Variants in PDE7B observed in about 807,000 individuals in gnomAD.
The protein encoded by PDE7B is 3',5'-cyclic-AMP phosphodiesterase 7B.
A neutral mutation model predicts 56.2 loss-of-function variants in PDE7B; 29 were observed. That is an observed-to-expected ratio of 0.52 (90% CI 0.38 to 0.70). The LOEUF is 0.70. Ranked by LOEUF, PDE7B falls within the 30% of genes least tolerant of loss-of-function variation. PDE7B has a pLI of 0.00. For missense variants in PDE7B, 490 were observed against 565.0 expected, an observed-to-expected ratio of 0.87 and a Z score of 1.35; for synonymous variants, 197 against 196.9, an observed-to-expected ratio of 1.00 and a Z score of 0.00.
chr6:136,052,360 G>A (rs957999856), intron 2 of PDE7B, among the ~76,000 whole-genome samples: 2 of 152,226 alleles, frequency 1.3e-5, no homozygotes, highest in African/African-American at 4.8e-5. Context: ...CTTCGGGTAT[G>A]TGGAGCAGTT....
chr6:135,869,305 C>T (rs1316290901), intron 1 of PDE7B, among the ~76,000 whole-genome samples: 3 of 152,066 alleles, frequency 2.0e-5, no homozygotes, highest in East Asian at 1.9e-4. Context: ...TATACTATTA[C>T]TGCATAGTAT....
intron 2 of PDE7B, among the ~76,000 whole-genome samples, chr6:135,981,382 T>C (rs1202999419): frequency 6.6e-6 from 1 of 151,532 alleles, no homozygotes; most frequent in Admixed American, 6.6e-5. Flanking sequence ...CATGTACACA[T>C]ATGTAACTAA....
intron 2 of PDE7B, among the ~76,000 whole-genome samples, chr6:135,995,330 T>A (rs1775545870): frequency 6.6e-6 from 1 of 152,152 alleles, no homozygotes; most frequent in Non-Finnish European, 1.5e-5. Context: ...TGTGTATCAA[T>A]AGAAATGTGT....
intron 12 of PDE7B, among the ~76,000 whole-genome samples, chr6:136,189,707 T>A (rs1485545467): frequency 1.3e-5 from 2 of 151,686 alleles, no homozygotes; most frequent in Non-Finnish European, 2.9e-5. Context: ...TCCTCCCTAC[T>A]CCCCCTTCCT....
intron 3 of PDE7B, among the ~76,000 whole-genome samples, chr6:136,116,310 A>C (rs1223016645): frequency 6.6e-6 from 1 of 152,258 alleles, no homozygotes; most frequent in African/African-American, 2.4e-5. Context: ...ACTAGAGAGA[A>C]AGGCTTGGAA....
intron 1 of PDE7B, among the ~76,000 whole-genome samples, chr6:135,904,314 T>C (rs1040803169): frequency 1.3e-5 from 2 of 152,234 alleles, no homozygotes; most frequent in African/African-American, 2.4e-5. Context: ...ATTAGCCTGA[T>C]GGCAGCTTTC....
rs1210821549 is a variant in PDE7B at position 136,098,991 on chromosome 6, A to G, written c.83-9740A>G. ...CTCCCTGTGTCCATGTGTTCTCATC[A>G]TTTAACTCCCAGTTATGAGTGAGAA... On this transcript the variant is annotated intron_variant, in intron 2 of 12. Coordinates refer to ENST00000308191, the MANE Select transcript of PDE7B (RefSeq NM_018945.4). Among the ~76,000 whole-genome samples, 5 of 131,168 alleles carry G rather than the reference A, an allele frequency of 3.8e-5. No homozygotes were observed. In the Admixed American group the frequency reaches 4.1e-4, roughly 11 times the overall value. 86.1% of individuals were successfully genotyped at this position (131,168 alleles called of 152,430 possible).
chr6:135,945,326 G>A (rs1774577113), intron 1 of PDE7B, among the ~76,000 whole-genome samples: 1 of 152,180 alleles, frequency 6.6e-6, no homozygotes, highest in South Asian at 2.1e-4. Context: ...GGTGAGCAGA[G>A]TAGCTGGGAA....
At chr6:136,077,878 T>A (rs566137206) in intron 2 of PDE7B, among the ~76,000 whole-genome samples, 1 of 152,328 alleles carries the variant, frequency 6.6e-6, no homozygotes, top group South Asian at 2.1e-4. Flanking sequence ...CCAGCTCATG[T>A]AGATGCATAT....
chr6:136,020,440 TA>T (rs1422718229), intron 2 of PDE7B, among the ~76,000 whole-genome samples: 1 of 152,230 alleles, frequency 6.6e-6, no homozygotes, highest in Non-Finnish European at 1.5e-5. Context: ...TTATACCACT[TA>T]ATACATTGAA....
rs369436864 is a variant in PDE7B, at chr6:135,895,674, A to C, written c.21+43655A>C. Among the ~76,000 whole-genome samples the C allele has an allele frequency of 9.2e-5, 14 of 152,270 alleles. 1 individual carries two copies. The highest frequency in any genetic ancestry group is 1.3e-4 in the Admixed American group (2 of 15,270). On this transcript the variant is annotated intron_variant, in intron 1 of 12. Coordinates refer to ENST00000308191, the MANE Select transcript of PDE7B (RefSeq NM_018945.4). ...CTCATTGCAACCTGGGAATAGAAAT[A>C]AGGTCTCATGAAAACACTTAAAAGG...
At chr6:136,164,284 G>T (rs923791271) in intron 8 of PDE7B, among the ~76,000 whole-genome samples, 3 of 152,100 alleles carry the variant, frequency 2.0e-5, no homozygotes, top group Non-Finnish European at 4.4e-5. Context: ...AAAGCCATCA[G>T]ATCTCATGAG....
chr6:136,022,684 T>G (rs189926820), intron 2 of PDE7B, among the ~76,000 whole-genome samples: 2 of 152,330 alleles, frequency 1.3e-5, no homozygotes, highest in African/African-American at 2.4e-5. Context: ...GCAGTGATAC[T>G]CACTGTGCAA....
chr6:135,852,414 A>T (rs1054126609), intron 1 of PDE7B, among the ~76,000 whole-genome samples: 1 of 151,990 alleles, frequency 6.6e-6, no homozygotes, highest in Admixed American at 6.5e-5. Flanking sequence ...TGGTAAAGGG[A>T]TTGGTAAGGT....
chr6:135,970,082 C>T lies in PDE7B; in HGVS notation c.82+22558C>T, dbSNP rs147050168. ...GTAAATATTTATTGAGTATCTAGTA[C>T]GTGCCAGCCATTCTTCTTTACCTGC... On this transcript the variant is annotated intron_variant, in intron 2 of 12. Coordinates refer to ENST00000308191, the MANE Select transcript of PDE7B (RefSeq NM_018945.4). Among the ~76,000 whole-genome samples the T allele has an allele frequency of 1.5e-3, 229 of 152,092 alleles. 1 individual carries two copies. The East Asian group carries it at 0.027, about 18-fold the overall frequency.
intron 2 of PDE7B, among the ~76,000 whole-genome samples, chr6:136,093,206 A>T (rs1777418804): frequency 6.6e-6 from 1 of 152,236 alleles, no homozygotes; most frequent in Non-Finnish European, 1.5e-5. Flanking sequence ...GGGTATGTTT[A>T]ATGCACAGTG....
intron 2 of PDE7B, among the ~76,000 whole-genome samples, chr6:136,023,499 T>C (rs1776104246): frequency 6.6e-6 from 1 of 152,214 alleles, no homozygotes; most frequent in African/African-American, 2.4e-5. Context: ...TCACACTCTT[T>C]CTTCACTCCT....
chr6:136,132,118 ATGT>A (rs1778128886), intron 3 of PDE7B, among the ~76,000 whole-genome samples: 1 of 152,116 alleles, frequency 6.6e-6, no homozygotes, highest in Non-Finnish European at 1.5e-5. Context: ...TGTAAGTACA[ATGT>A]TGTACAGCCG....
chr6:135,975,718 A>G (rs1446152412), intron 2 of PDE7B, among the ~76,000 whole-genome samples: 1 of 152,252 alleles, frequency 6.6e-6, no homozygotes, highest in Non-Finnish European at 1.5e-5. Context: ...TTTTGGGTAG[A>G]TTCTCAATGA....
Sources: gnomAD v4.1 joint callset for allele counts (sites outside exome capture counted in the v4.1 genomes callset) on GRCh38, gnomAD v4.1.1 for gene constraint, MANE v1.5 for transcripts, NCBI Gene and HGNC (gene_info 2026-07-23, HGNC 2026-07-21) for gene names.